Variants in FAM151A observed in about 807,000 individuals in gnomAD.
The protein encoded by FAM151A is family with sequence similarity 151 member A, also known as protein FAM151A.
In FAM151A, 41 loss-of-function variants were observed where a neutral mutation model predicts 40.4. The ratio of observed to expected loss-of-function variants is 1.01; its 90% CI spans 0.79 to 1.32. The LOEUF (loss-of-function observed/expected upper bound fraction) is 1.32, where lower values mean the gene tolerates loss of function less well. FAM151A is among the 40% of genes most tolerant of loss of function. The pLI, the probability that FAM151A is intolerant of heterozygous loss-of-function variation, is 0.00. For missense variants in FAM151A, 740 were observed against 740.4 expected (o/e 1.00, Z 0.01); for synonymous variants, 337 against 312.5 (o/e 1.08, Z -0.83).
chr1:54,611,020 G>A (rs1644111794), intron 6 of FAM151A: 3 of 985,374 alleles, frequency 3.0e-6, no homozygotes, highest in Non-Finnish European at 3.6e-6. Context: ...ATAATGGGGG[G>A]TTTGGAATTT....
At position 54,609,791 on chromosome 1, in the gene FAM151A, TG is replaced by T; in HGVS notation, c.1234del (p.His412IlefsTer4). 1 of 1,614,140 alleles carries T rather than the reference TG, an allele frequency of 6.2e-7. No homozygotes were observed. The highest frequency in any genetic ancestry group is 1.1e-5 in the South Asian group (1 of 91,088). ...LATHPGHWGI[H>X]LQIAEPAALR... ...GGCTGCGGGCTCCGCTATTTGCAAATGGATGCCCCAGTGTCCGGGATGTGTG... is the reference window on the plus strand; with the variant it reads ...GGCTGCGGGCTCCGCTATTTGCAAATGATGCCCCAGTGTCCGGGATGTGTG... On this transcript the variant is annotated frameshift_variant, in exon 8 of 8. Transcript: ENST00000302250. LOFTEE classifies it low-confidence loss of function (END_TRUNC).
At position 54,609,726 on chromosome 1, in the gene FAM151A, G is replaced by T; in HGVS notation, c.1300C>A (p.Leu434Ile). ...SLALLARLSS[L>I]GLLHWPVWVG... Reference sequence around the variant, plus strand: ...CACACAGGCCAATGCAAGAGGCCAAGGCTGGAGAGGCGTGCCAGCAAGGCC... The same window carrying T: ...CACACAGGCCAATGCAAGAGGCCAATGCTGGAGAGGCGTGCCAGCAAGGCC... The change falls in exon 8 of 8, where the codon CTT (leucine) becomes ATT (isoleucine). Residue 434 changes from leucine to isoleucine, a missense_variant. Leu to Ile is a conservative substitution (Grantham distance 5). Transcript: ENST00000302250. 1 of 1,614,144 alleles carries T rather than the reference G, an allele frequency of 6.2e-7. No individual in the cohort carries two copies. The highest frequency in any genetic ancestry group is 8.5e-7 in the Non-Finnish European group (1 of 1,180,022).
chr1:54,621,205 C>T (rs1644227299), intron 1 of FAM151A, among the ~76,000 whole-genome samples: 1 of 151,600 alleles, frequency 6.6e-6, no homozygotes, highest in African/African-American at 2.4e-5. Context: ...GCCTGTAATC[C>T]CAGCACTTTG....
intron 6 of FAM151A, 181 bp from the exon 7 acceptor site, chr1:54,610,736 T>A: frequency 1.1e-6 from 1 of 915,342 alleles, no homozygotes; most frequent in Non-Finnish European, 1.3e-6. Flanking sequence ...CAAGGTCTTA[T>A]AAGCAGTAAG....
intron 2 of FAM151A, among the ~76,000 whole-genome samples, chr1:54,618,323 G>A (rs375251867): frequency 6.6e-6 from 1 of 152,076 alleles, no homozygotes; most frequent in East Asian, 1.9e-4. Flanking sequence ...GGTCAACATG[G>A]TGAAAACCCA....
chr1:54,621,819 C>T (rs1644232422), intron 1 of FAM151A: 1 of 152,484 alleles, frequency 6.6e-6, no homozygotes, highest in African/African-American at 2.4e-5. Flanking sequence ...GAGCCCTTCA[C>T]TGAGAGGCTG....
chr1:54,614,678 G>T, intron 4 of FAM151A, 22 bp downstream of exon 4: 1 of 1,600,992 alleles, frequency 6.2e-7, no homozygotes, highest in South Asian at 1.1e-5. Context: ...GACACAGCTG[G>T]GACAGAGAGG....
chr1:54,623,513 C>T lies in FAM151A; in HGVS notation c.-118G>A, dbSNP rs1644251672. 1 of 760,152 alleles carries T rather than the reference C, an allele frequency of 1.3e-6. No homozygotes were observed. Among genetic ancestry groups the T allele is most frequent in the African/African-American group, 1.7e-5 (1 of 58,256 alleles). 47.1% of individuals were successfully genotyped at this position (760,152 alleles called of 1,614,324 possible). ...CAGCAGCACCTAATTCTCCACCGGGCCTGGTCTGCTCTGCAGCCCTGTAAT... is the reference window on the plus strand; with the variant it reads ...CAGCAGCACCTAATTCTCCACCGGGTCTGGTCTGCTCTGCAGCCCTGTAAT... On this transcript the variant is annotated 5_prime_UTR_variant, in exon 1 of 8. Coordinates refer to ENST00000302250, the MANE Select transcript of FAM151A (RefSeq NM_176782.3).
intron 5 of FAM151A, among the ~76,000 whole-genome samples, chr1:54,612,203 G>A (rs1039434366): frequency 4.6e-5 from 7 of 151,904 alleles, no homozygotes; most frequent in South Asian, 2.1e-4. Context: ...GGGGTACAGC[G>A]GGCTCCTATT....
At chr1:54,618,335 C>T (rs903841651) in intron 2 of FAM151A, among the ~76,000 whole-genome samples, 3 of 152,082 alleles carry the variant, frequency 2.0e-5, no homozygotes, top group African/African-American at 7.2e-5. Context: ...GAAAACCCAT[C>T]TCTACTAAAA....
rs1569791680 is a variant in FAM151A at position 54,616,116 on chromosome 1, C to T, written c.319G>A (p.Glu107Lys). ...VNVEGLGTANETGVPIMAHPP... is the reference protein window; with the variant it reads ...VNVEGLGTANKTGVPIMAHPP... ...TGTGCCATGATGGGAACTCCTGTCT[C>T]ATTGGCTGTGCCGAGCCCTTCTACA... The change falls in exon 3 of 8, where the codon GAG becomes AAG. Residue 107 changes from glutamate (E) to lysine (K), a missense_variant. Coordinates refer to ENST00000302250, the MANE Select transcript of FAM151A (RefSeq NM_176782.3). 1 of 1,614,076 alleles carries T rather than the reference C, an allele frequency of 6.2e-7. No individual in the cohort carries two copies. Among genetic ancestry groups the T allele is most frequent in the African/African-American group, 1.3e-5 (1 of 74,940 alleles).
chr1:54,612,028 A>T (rs1406699625), intron 5 of FAM151A, among the ~76,000 whole-genome samples: 1 of 147,544 alleles, frequency 6.8e-6, no homozygotes, highest in Non-Finnish European at 1.5e-5. Context: ...AAGGGGCAGG[A>T]CAGATGGGGG....
In FAM151A at chr1:54,613,862, A is replaced by G. The variant is rs115975440; in HGVS notation, c.575+838T>C. Reference sequence around the variant, plus strand: ...TGGATGGAGGAAGAGATGGATGGGAAAGAGCCTGGAGCTTAGAATCAGAAA... The same window carrying G: ...TGGATGGAGGAAGAGATGGATGGGAGAGAGCCTGGAGCTTAGAATCAGAAA... On this transcript the variant is annotated intron_variant, in intron 4 of 7. Coordinates refer to ENST00000302250, the MANE Select transcript of FAM151A (RefSeq NM_176782.3). 6.9e-3 allele frequency among the ~76,000 whole-genome samples: 1,049 copies of G among 152,304 alleles called. 9 individuals carry two copies. Among genetic ancestry groups the G allele is most frequent in the Middle Eastern group, 0.034 (10 of 294 alleles).
chr1:54,615,389 G>A (rs762448013), intron 3 of FAM151A, among the ~76,000 whole-genome samples: 52 of 152,146 alleles, frequency 3.4e-4, no homozygotes, highest in Non-Finnish European at 3.4e-4. Context: ...GGACAATGGG[G>A]AGCCACGGAG....
chr1:54,612,406 C>G, intron 5 of FAM151A, 80 bp downstream of exon 5: 1 of 1,055,810 alleles, frequency 9.5e-7, no homozygotes, highest in Non-Finnish European at 1.4e-6. Context: ...CTTTAAGACC[C>G]TTCCAGCCAT....
intron 6 of FAM151A, chr1:54,610,805 T>G: frequency 5.1e-6 from 5 of 984,784 alleles, no homozygotes; most frequent in Non-Finnish European, 6.0e-6. Flanking sequence ...AGAGCTGGTA[T>G]CCTTCCCGCT....
chr1:54,609,355 T>C lies in FAM151A; in HGVS notation c.1671A>G (p.Ala557=). ...DYASVRTALL[A]ARAVDRTRVY... is the part of the protein sequence containing the mutation. ...CTCGGGTCCTGTCCACAGCCCTAGC[T>C]GCCAGCAATGCTGTCCTCACAGAGG... Residue 557 remains alanine, a synonymous_variant, in exon 8 of 8, where the codon GCA becomes GCG. Coordinates refer to ENST00000302250, the MANE Select transcript of FAM151A (RefSeq NM_176782.3). 6.2e-7 allele frequency: 1 copy of C among 1,614,180 alleles called. No individual in the cohort carries two copies.
chr1:54,609,240 G>T lies in FAM151A; in HGVS notation c.*28C>A, dbSNP rs1325435353. 1 of 1,593,498 alleles carries T rather than the reference G, an allele frequency of 6.3e-7. No individual in the cohort carries two copies. The highest frequency in any genetic ancestry group is 1.7e-5 in the Admixed American group (1 of 58,752). On this transcript the variant is annotated 3_prime_UTR_variant, in exon 8 of 8. Transcript: ENST00000302250. ...TCCCCGTGGGAAGCCTCCGCCCTGA[G>T]GTCCGCTGGCCCACCACCCCTGGGT...
Position 54,616,082 on chromosome 1 carries a change from G to C in FAM151A, c.353C>G (p.Thr118Ser). The stretch of plus-strand genomic sequence containing the variant: ...CTCCAGTGTGTTGTCACTGTAGATA[G>C]TGGGGGGGTGTGCCATGATGGGAAC... Reference protein sequence around the residue: ...TGVPIMAHPPTIYSDNTLEQW... With the variant: ...TGVPIMAHPPSIYSDNTLEQW... Residue 118 changes from threonine to serine, a missense_variant, in exon 3 of 8, where the codon ACT becomes AGT. Thr to Ser is a moderately conservative substitution (Grantham distance 58). Transcript: ENST00000302250. 1 of 1,614,192 alleles carries C rather than the reference G, an allele frequency of 6.2e-7. No homozygotes were observed. Among genetic ancestry groups the C allele is most frequent in the South Asian group, 1.1e-5 (1 of 91,072 alleles).
Sources: gnomAD v4.1 joint callset for allele counts (sites outside exome capture counted in the v4.1 genomes callset) on GRCh38, gnomAD v4.1.1 for gene constraint, MANE v1.5 for transcripts, NCBI Gene and HGNC (gene_info 2026-07-23, HGNC 2026-07-21) for gene names.